UBR3: variants seen among roughly 807,000 people sequenced by gnomAD.
UBR3 encodes the protein E3 ubiquitin-protein ligase UBR3.
UBR3 carries 85 observed loss-of-function variants against 243.2 expected under a neutral mutation model. That is an observed-to-expected ratio of 0.35 (90% CI 0.29 to 0.42). UBR3 has a LOEUF of 0.42. Ranked by LOEUF, UBR3 falls within the 10% of genes least tolerant of loss-of-function variation. UBR3 has a pLI of 1.00. For synonymous variants in UBR3, 748 were observed against 799.8 expected, an observed-to-expected ratio of 0.94 and a Z score of 1.09; for missense variants, 1,686 against 2,300.8, an observed-to-expected ratio of 0.73 and a Z score of 5.47.
At chr2:169,865,242 G>A (rs750466259) in intron 1 of UBR3, among the ~76,000 whole-genome samples, 2 of 151,924 alleles carry the variant, frequency 1.3e-5, no homozygotes, top group South Asian at 2.1e-4. Context: ...TGAATTCCTG[G>A]GCTCAGGCAA....
chr2:169,875,692 T>G (rs2083581486), intron 2 of UBR3, 99 bp from the exon 3 acceptor site: 2 of 1,102,782 alleles, frequency 1.8e-6, no homozygotes, highest in Non-Finnish European at 2.5e-6. Flanking sequence ...TACTATAATT[T>G]AAGCCATTAT....
intron 1 of UBR3, among the ~76,000 whole-genome samples, chr2:169,835,542 GC>G (rs2082056200): frequency 6.6e-6 from 1 of 152,138 alleles, no homozygotes; most frequent in African/African-American, 2.4e-5. Flanking sequence ...CTGAGTTCAA[GC>G]GGTTCTCCTG....
At chr2:169,988,277 A>G (rs911517329) in intron 25 of UBR3, among the ~76,000 whole-genome samples, 2 of 152,212 alleles carry the variant, frequency 1.3e-5, no homozygotes, top group South Asian at 4.1e-4. Context: ...TTGAGCTCCT[A>G]GGTGTCAGGC....
At chr2:170,018,551 C>A (rs2090308349) in intron 30 of UBR3, among the ~76,000 whole-genome samples, 1 of 152,186 alleles carries the variant, frequency 6.6e-6, no homozygotes, top group Non-Finnish European at 1.5e-5. Context: ...GCAGATGAGA[C>A]TTGTTCCAAT....
chr2:170,080,745 T>C, intron 38 of UBR3, 61 bp downstream of exon 38: 1 of 1,526,854 alleles, frequency 6.5e-7, no homozygotes, highest in Non-Finnish European at 8.8e-7. Flanking sequence ...AAAACCAATA[T>C]GCTATTCCTG....
intron 6 of UBR3, among the ~76,000 whole-genome samples, chr2:169,892,445 G>A (rs2084412722): frequency 6.6e-6 from 1 of 152,180 alleles, no homozygotes; most frequent in South Asian, 2.1e-4. Context: ...CACTCTGACT[G>A]AAGATACTTT....
chr2:170,061,541 T>A lies in UBR3; in HGVS notation c.5019+98T>A, dbSNP rs1349910920. ...GGAGTGCAGTGGCACAATCTCGGCT[T>A]ACTGCAACCTCCGCCTGCCAGGTTC... On this transcript the variant is annotated intron_variant, in intron 35 of 38. Coordinates refer to ENST00000272793, the MANE Select transcript of UBR3 (RefSeq NM_172070.4). 6 of 1,446,048 alleles carry A rather than the reference T, an allele frequency of 4.1e-6. No individual in the cohort carries two copies. The Admixed American group carries it at 8.1e-5, about 20-fold the overall frequency. The allele number at this position is 1,446,048 out of a possible 1,614,324, so 89.6% of individuals were successfully genotyped here. A position where few individuals can be genotyped will look rare whatever the true frequency, so the allele number is the denominator to read the frequency against.
In UBR3 at chr2:169,947,584, C is replaced by A; in HGVS notation, c.2953C>A (p.Pro985Thr). Residue 985 changes from proline (P) to threonine (T), a missense_variant, in exon 22 of 39, where the codon CCT becomes ACT. By Grantham distance (38) the Pro-to-Thr change is conservative. This residue lies in a region of UBR3 where 300 missense variants were observed against 314.4 expected (regional missense o/e 0.95). Coordinates refer to ENST00000272793, the MANE Select transcript of UBR3 (RefSeq NM_172070.4). The part of the protein sequence containing the change: ...GPERCHDSWF[P>T]GSNLVSNMRH... ...AGAACGTTGTCATGACAGTTGGTTT[C>A]CTGGCAGTAACTTAGTGTCAAACAT... is the stretch of plus-strand genomic sequence containing the variant. 1 of 1,522,942 alleles carries A rather than the reference C, an allele frequency of 6.6e-7. No individual in the cohort carries two copies. The highest frequency in any genetic ancestry group is 8.8e-7 in the Non-Finnish European group (1 of 1,134,114). 94.3% of individuals were successfully genotyped at this position (1,522,942 alleles called of 1,614,324 possible). A position where few individuals can be genotyped will look rare whatever the true frequency, so the allele number is the denominator to read the frequency against.
At chr2:169,906,492 T>A (rs2085014549) in intron 10 of UBR3, among the ~76,000 whole-genome samples, 1 of 152,026 alleles carries the variant, frequency 6.6e-6, no homozygotes, top group Admixed American at 6.6e-5. Flanking sequence ...CTTTCAAGAT[T>A]CCAAGGACAA....
intron 1 of UBR3, among the ~76,000 whole-genome samples, chr2:169,836,033 CTCTCTCTCTCTATATATATATA>C (rs1463526305): frequency 9.9e-5 from 2 of 20,278 alleles, no homozygotes; most frequent in African/African-American, 2.1e-4. Context: ...CTCTCTCTCT[CTCTCTCTCTCTATATATATATA>C]TATATATATA....
At position 170,073,336 on chromosome 2, in the gene UBR3, T is replaced by G; in HGVS notation, c.5020-92T>G. On this transcript the variant is annotated intron_variant, in intron 35 of 38. Coordinates refer to ENST00000272793, the MANE Select transcript of UBR3 (RefSeq NM_172070.4). ...GACTCAGTTAAGAAAGTTTTCTTAT[T>G]GTCTCAAAGTAATTGATGAGGGTGA... 3.5e-6 allele frequency: 5 copies of G among 1,432,668 alleles called. No homozygotes were observed. In the Middle Eastern group the frequency reaches 8.9e-4, roughly 256 times the overall value. The allele number at this position is 1,432,668 out of a possible 1,614,324, so 88.7% of individuals were successfully genotyped here.
chr2:169,876,557 T>A (rs969570597), intron 3 of UBR3, among the ~76,000 whole-genome samples: 2 of 151,538 alleles, frequency 1.3e-5, no homozygotes, highest in African/African-American at 4.9e-5. Flanking sequence ...TATTGTATTG[T>A]ATTGTATTGT....
intron 1 of UBR3, among the ~76,000 whole-genome samples, chr2:169,862,961 C>T (rs1407143371): frequency 1.3e-5 from 2 of 152,136 alleles, no homozygotes; most frequent in Non-Finnish European, 2.9e-5. Context: ...TAATTTGTTG[C>T]AAAATAATGT....
intron 24 of UBR3, among the ~76,000 whole-genome samples, chr2:169,968,059 A>T (rs1048518798): frequency 2.6e-5 from 4 of 151,986 alleles, no homozygotes; most frequent in African/African-American, 9.7e-5. Context: ...TCATTCTTTT[A>T]AAAAAATTTA....
At chr2:169,908,545 A>C (rs760354720) in intron 10 of UBR3, among the ~76,000 whole-genome samples, 40 of 152,200 alleles carry the variant, frequency 2.6e-4, no homozygotes, top group Admixed American at 5.9e-4. Context: ...TACTGAACCA[A>C]ATAGATATGG....
intron 33 of UBR3, among the ~76,000 whole-genome samples, chr2:170,057,879 G>A (rs2091371463): frequency 6.6e-6 from 1 of 152,000 alleles, no homozygotes; most frequent in African/African-American, 2.4e-5. Flanking sequence ...TAGTCTGTAG[G>A]TTGATTTACT....
chr2:169,988,120 CT>C (rs2089109144), intron 25 of UBR3, among the ~76,000 whole-genome samples: 1 of 152,204 alleles, frequency 6.6e-6, no homozygotes. Context: ...GTATTAACTA[CT>C]TTTACAGCTA....
chr2:169,924,639 A>T (rs2085837025), intron 13 of UBR3, among the ~76,000 whole-genome samples: 1 of 152,206 alleles, frequency 6.6e-6, no homozygotes, highest in African/African-American at 2.4e-5. Flanking sequence ...TTTTATATAC[A>T]TTAGAGGGAC....
intron 19 of UBR3, among the ~76,000 whole-genome samples, chr2:169,941,263 C>T (rs1366984761): frequency 6.6e-6 from 1 of 152,166 alleles, no homozygotes. Flanking sequence ...CCAAGACCCA[C>T]AGTGGATGCC....
Sources: allele counts gnomAD v4.1 joint callset (sites outside exome capture counted in the v4.1 genomes callset), GRCh38; gene constraint gnomAD v4.1.1; regional missense constraint gnomAD v4.1.1; transcripts MANE v1.5; gene names NCBI Gene and HGNC (gene_info 2026-07-23, HGNC 2026-07-21).